The following RORA variants were observed in gnomAD, a reference collection of about 807,000 sequenced individuals.
The protein encoded by RORA is nuclear receptor ROR-alpha.
In RORA, 7 loss-of-function variants were observed where a neutral mutation model predicts 69.5. That is an observed-to-expected ratio of 0.10 (90% CI 0.06 to 0.19). The LOEUF is 0.19. Ranked by LOEUF, RORA falls within the 10% of genes least tolerant of loss-of-function variation. The pLI is 1.00. For missense variants in RORA, 457 were observed against 663.0 expected (o/e 0.69, Z 3.41); for synonymous variants, 261 against 240.8 (o/e 1.08, Z -0.78).
chr15:60,806,900 T>C (rs1443016330), intron 1 of RORA, among the ~76,000 whole-genome samples: 2 of 152,142 alleles, frequency 1.3e-5, no homozygotes, highest in East Asian at 3.9e-4. Context: ...GAAAAAGTCA[T>C]TCAATGTACC....
At chr15:61,117,685 T>C (rs1298851146) in intron 1 of RORA, among the ~76,000 whole-genome samples, 1 of 152,250 alleles carries the variant, frequency 6.6e-6, no homozygotes, top group Non-Finnish European at 1.5e-5. Context: ...CTTTCAAAGT[T>C]ATTCCCTGAC....
intron 1 of RORA, among the ~76,000 whole-genome samples, chr15:60,804,318 T>C (rs991395132): frequency 7.7e-5 from 11 of 143,542 alleles, no homozygotes; most frequent in African/African-American, 2.7e-4. Context: ...AAAGAACTAC[T>C]AGTTAACACA....
At chr15:60,499,329 C>T (rs973634345) in intron 10 of RORA, among the ~76,000 whole-genome samples, 1 of 152,018 alleles carries the variant, frequency 6.6e-6, no homozygotes, top group Non-Finnish European at 1.5e-5. Flanking sequence ...GCCAGGAGTT[C>T]GAGACCAGCC....
intron 2 of RORA, among the ~76,000 whole-genome samples, chr15:60,635,111 C>T (rs1287360660): frequency 6.6e-6 from 1 of 152,186 alleles, no homozygotes; most frequent in African/African-American, 2.4e-5. Context: ...GCCAGGCTGC[C>T]GCCACCATGA....
chr15:60,533,374 T>G (rs2066584820), intron 2 of RORA, among the ~76,000 whole-genome samples: 1 of 152,176 alleles, frequency 6.6e-6, no homozygotes, highest in Admixed American at 6.5e-5. Flanking sequence ...TAGGTATAGT[T>G]TGAGTTAAGC....
At chr15:60,805,988 C>A (rs1184597855) in intron 1 of RORA, among the ~76,000 whole-genome samples, 5 of 152,222 alleles carry the variant, frequency 3.3e-5, no homozygotes, top group African/African-American at 1.2e-4. Context: ...TCCCAGGAAT[C>A]TGTAGGGGGT....
chr15:60,685,910 G>A (rs1258916308), intron 1 of RORA, among the ~76,000 whole-genome samples: 1 of 152,084 alleles, frequency 6.6e-6, no homozygotes, highest in Non-Finnish European at 1.5e-5. Flanking sequence ...TTTCTTTTAT[G>A]TTCGATTTGA....
At chr15:61,214,862 A>AT (rs2080024031) in intron 1 of RORA, among the ~76,000 whole-genome samples, 11 of 120,052 alleles carry the variant, frequency 9.2e-5, no homozygotes, top group African/African-American at 3.7e-4. Flanking sequence ...ACCTTCTTGG[A>AT]CTTTTTTTTT....
At chr15:60,774,063 G>A (rs966193727) in intron 1 of RORA, among the ~76,000 whole-genome samples, 3 of 152,102 alleles carry the variant, frequency 2.0e-5, no homozygotes, top group Non-Finnish European at 4.4e-5. Flanking sequence ...GATCACTAAC[G>A]TGGCACAGCT....
intron 2 of RORA, among the ~76,000 whole-genome samples, chr15:60,535,290 C>T (rs1244466135): frequency 6.6e-6 from 1 of 152,184 alleles, no homozygotes; most frequent in African/African-American, 2.4e-5. Flanking sequence ...GCAAGATGCG[C>T]ACATATAATC....
At chr15:61,065,690 C>A (rs1473356531) in intron 1 of RORA, among the ~76,000 whole-genome samples, 1 of 152,160 alleles carries the variant, frequency 6.6e-6, no homozygotes, top group East Asian at 1.9e-4. Flanking sequence ...TTGCTTCCTA[C>A]TCTTGCATTC....
intron 1 of RORA, among the ~76,000 whole-genome samples, chr15:60,962,908 G>C (rs1893453756): frequency 6.6e-6 from 1 of 152,222 alleles, no homozygotes; most frequent in Admixed American, 6.5e-5. Flanking sequence ...AGGAGATTGG[G>C]AAGACAACAT....
chr15:60,783,593 G>C (rs2072293447), intron 1 of RORA, among the ~76,000 whole-genome samples: 1 of 152,202 alleles, frequency 6.6e-6, no homozygotes, highest in African/African-American at 2.4e-5. Context: ...GATACAGGAA[G>C]AAGGCTTAAA....
rs142351305 is a variant in RORA, at chr15:61,042,019, A to G, written c.166+187034T>C. ...CAGAGCTGGGGCTGGAACCTGCGTG[A>G]TCAGCATCAGACCCTCGTCTCTTAA... On this transcript the variant is annotated intron_variant, in intron 1 of 10. Transcript: ENST00000335670. Among the ~76,000 whole-genome samples, 4 of 152,278 alleles carry G rather than the reference A, an allele frequency of 2.6e-5. No individual in the cohort carries two copies. In the East Asian group the frequency reaches 7.7e-4, roughly 29 times the overall value.
intron 1 of RORA, among the ~76,000 whole-genome samples, chr15:61,076,566 A>C (rs552720960): frequency 6.6e-6 from 1 of 152,372 alleles, no homozygotes. Flanking sequence ...GATTATAAGA[A>C]ATCCCACTGA....
intron 2 of RORA, among the ~76,000 whole-genome samples, chr15:60,666,358 T>C (rs1285157754): frequency 6.7e-6 from 1 of 150,344 alleles, no homozygotes; most frequent in African/African-American, 2.5e-5. Context: ...TTTTTTTTTT[T>C]TTTTTTTTGT....
chr15:61,161,781 G>A (rs1360008874), intron 1 of RORA, among the ~76,000 whole-genome samples: 2 of 152,084 alleles, frequency 1.3e-5, no homozygotes, highest in Non-Finnish European at 2.9e-5. Context: ...AAATCTATTA[G>A]TCTAAAGACA....
At position 60,790,062 on chromosome 15, in the gene RORA, A is replaced by G. The variant is rs533365724; in HGVS notation, c.167-111376T>C. ...CATCTGAGAACCTATGACCCAAGAGAAAAAGAAGCAATACCCCAAGTGAAA... is the reference window on the plus strand; with the variant it reads ...CATCTGAGAACCTATGACCCAAGAGGAAAAGAAGCAATACCCCAAGTGAAA... On this transcript the variant is annotated intron_variant, in intron 1 of 10. Coordinates refer to ENST00000335670, the MANE Select transcript of RORA (RefSeq NM_134261.3). 2.0e-5 allele frequency among the ~76,000 whole-genome samples: 3 copies of G among 152,334 alleles called. No homozygotes were observed. The East Asian group carries it at 5.8e-4, about 29-fold the overall frequency.
At chr15:61,158,265 G>T (rs1193018535) in intron 1 of RORA, among the ~76,000 whole-genome samples, 1 of 152,180 alleles carries the variant, frequency 6.6e-6, no homozygotes, top group African/African-American at 2.4e-5. Flanking sequence ...AATATGTGCT[G>T]ATCTGACTTG....
Sources: gnomAD v4.1 joint callset for allele counts (sites outside exome capture counted in the v4.1 genomes callset) on GRCh38, gnomAD v4.1.1 for gene constraint, MANE v1.5 for transcripts, NCBI Gene and HGNC (gene_info 2026-07-23, HGNC 2026-07-21) for gene names.